The following AOPEP variants were observed in gnomAD, a reference collection of about 807,000 sequenced individuals.
AOPEP encodes the protein aminopeptidase O (putative), also known as aminopeptidase O.
Under a neutral mutation model 98.1 loss-of-function variants are expected in AOPEP, and 77 were observed. The observed-to-expected ratio is 0.78, with a 90% CI of 0.65 to 0.95. AOPEP has a LOEUF of 0.95. Ranked by LOEUF, AOPEP falls within the 40% of genes least tolerant of loss-of-function variation. The probability of loss-of-function intolerance (pLI) is 0.00; values close to 1 mark genes in which losing one functional copy is unlikely to be tolerated. For synonymous variants in AOPEP, 346 were observed against 365.3 expected (o/e 0.95, Z 0.60); for missense variants, 1,024 against 1,024.7 (o/e 1.00, Z 0.01).
chr9:94,985,548 C>T (rs2132236472), intron 11 of AOPEP, among the ~76,000 whole-genome samples: 1 of 152,258 alleles, frequency 6.6e-6, no homozygotes, highest in East Asian at 1.9e-4. Flanking sequence ...TATTAAGATA[C>T]TCAATCTCAG....
At chr9:94,966,904 GA>G (rs1387673063) in intron 9 of AOPEP, among the ~76,000 whole-genome samples, 4 of 152,066 alleles carry the variant, frequency 2.6e-5, no homozygotes, top group Non-Finnish European at 5.9e-5. Flanking sequence ...ATTCATATTC[GA>G]ATTTTTTAGG....
Position 94,955,908 on chromosome 9 carries a change from G to T in AOPEP, c.1765G>T (p.Gly589Cys). 2 of 1,606,592 alleles carry T rather than the reference G, an allele frequency of 1.2e-6. No homozygotes were observed. Among genetic ancestry groups the T allele is most frequent in the Non-Finnish European group, 8.5e-7 (1 of 1,175,848 alleles). ...KIFMQVHYLK[G>C]YFLLRFLAKR... ...TCTCTCTCTTTTTTCTTTCTTCTAG[G>T]GCTACTTCCTTCTTCGGTTTCTTGC... Residue 589 changes from glycine (G) to cysteine (C), a missense_variant and splice_region_variant, in exon 9 of 17, where the codon GGC becomes TGC. Coordinates refer to ENST00000375315, the MANE Select transcript of AOPEP (RefSeq NM_001193329.3).
chr9:95,109,539 T>C, the AOPEP span: 1 of 152,192 alleles, frequency 6.6e-6, no homozygotes, highest in Non-Finnish European at 1.5e-5. Flanking sequence ...TGTGATCTGA[T>C]TCAGTTGTTG....
chr9:94,890,537 C>T (rs1042546342), intron 5 of AOPEP, among the ~76,000 whole-genome samples: 13 of 152,094 alleles, frequency 8.5e-5, no homozygotes. Context: ...TTTACTATTT[C>T]CTTCCTTCTG....
the AOPEP span, among the ~76,000 whole-genome samples, chr9:95,136,677 T>C: frequency 6.6e-6 from 1 of 151,888 alleles, no homozygotes; most frequent in Non-Finnish European, 1.5e-5. Context: ...AAGATGGGGG[T>C]CTTGCTATTT....
intron 3 of AOPEP, among the ~76,000 whole-genome samples, chr9:94,774,962 T>C (rs1322232490): frequency 6.6e-6 from 1 of 152,192 alleles, no homozygotes; most frequent in Non-Finnish European, 1.5e-5. Flanking sequence ...GTTTATTTCC[T>C]TTGCCCATTT....
chr9:94,748,772 A>G (rs1438500925), intron 1 of AOPEP, among the ~76,000 whole-genome samples: 2 of 152,174 alleles, frequency 1.3e-5, no homozygotes, highest in Admixed American at 1.3e-4. Context: ...AATGTCCCTC[A>G]GTATGGGTTT....
intron 13 of AOPEP, among the ~76,000 whole-genome samples, chr9:95,036,702 C>CTTTTTTTTTT (rs58616523): frequency 1.8e-4 from 24 of 135,812 alleles, no homozygotes; most frequent in Non-Finnish European, 2.3e-4. Context: ...TCTTCTTCTT[C>CTTTTTTTTTT]TTTTTTTTTT....
At chr9:94,905,683 C>T (rs2051037219) in intron 5 of AOPEP, among the ~76,000 whole-genome samples, 1 of 152,152 alleles carries the variant, frequency 6.6e-6, no homozygotes, top group South Asian at 2.1e-4. Flanking sequence ...ATAAAGTATG[C>T]TCTGGGAAAC....
At chr9:94,844,278 AC>A (rs1255319882) in intron 5 of AOPEP, among the ~76,000 whole-genome samples, 3 of 152,192 alleles carry the variant, frequency 2.0e-5, no homozygotes, top group African/African-American at 7.2e-5. Context: ...CTGGTCACTA[AC>A]TAGTAGTTTT....
chr9:95,045,713 G>A (rs2065805629), intron 13 of AOPEP, among the ~76,000 whole-genome samples: 1 of 152,144 alleles, frequency 6.6e-6, no homozygotes, highest in Non-Finnish European at 1.5e-5. Flanking sequence ...TGGTCCTCGT[G>A]CTTCTAATTT....
At chr9:95,001,612 T>C (rs944877421) in intron 11 of AOPEP, among the ~76,000 whole-genome samples, 1 of 152,218 alleles carries the variant, frequency 6.6e-6, no homozygotes, top group African/African-American at 2.4e-5. Flanking sequence ...TCAGGCTGGA[T>C]TGAACACAAT....
chr9:94,966,723 T>G (rs570465012), intron 9 of AOPEP, among the ~76,000 whole-genome samples: 1 of 152,282 alleles, frequency 6.6e-6, no homozygotes, highest in African/African-American at 2.4e-5. Context: ...TCAGTAAAAT[T>G]CAAATTTCAG....
Position 95,082,398 on chromosome 9 carries a change from G to A in AOPEP, c.2320-177G>A, listed in dbSNP as rs72752313. ...GTTTTGAGTACAAGGAGGAGACAGGGATTGCAGACTGCAGCTTCCAAAAGC... is the reference window on the plus strand; with the variant it reads ...GTTTTGAGTACAAGGAGGAGACAGGAATTGCAGACTGCAGCTTCCAAAAGC... On this transcript the variant is annotated intron_variant, in intron 15 of 16. Transcript: ENST00000375315. Among the ~76,000 whole-genome samples, 582 of 152,316 alleles carry A rather than the reference G, an allele frequency of 3.8e-3. 1 individual carries two copies. Among genetic ancestry groups the A allele is most frequent in the Non-Finnish European group, 6.7e-3 (459 of 68,028 alleles).
chr9:94,897,517 G>A (rs1460827852), intron 5 of AOPEP, among the ~76,000 whole-genome samples: 1 of 152,054 alleles, frequency 6.6e-6, no homozygotes, highest in Non-Finnish European at 1.5e-5. Context: ...ACTTTTTAGA[G>A]TCAGAAAGTA....
At chr9:94,965,953 C>G (rs1388952442) in intron 9 of AOPEP, among the ~76,000 whole-genome samples, 2 of 150,382 alleles carry the variant, frequency 1.3e-5, no homozygotes, top group Admixed American at 6.6e-5. Context: ...TGTGTAGAGT[C>G]TGTATTTGCA....
intron 5 of AOPEP, among the ~76,000 whole-genome samples, chr9:94,810,492 T>C (rs1342311978): frequency 6.6e-6 from 1 of 151,922 alleles, no homozygotes; most frequent in African/African-American, 2.4e-5. Flanking sequence ...TTTTTGTATT[T>C]TTAATAGAGA....
At chr9:94,882,755 G>A (rs1465514419) in intron 5 of AOPEP, among the ~76,000 whole-genome samples, 4 of 152,210 alleles carry the variant, frequency 2.6e-5, no homozygotes, top group Admixed American at 6.5e-5. Flanking sequence ...CAGCCTGGGC[G>A]TCGCGAGACT....
intron 13 of AOPEP, among the ~76,000 whole-genome samples, chr9:95,055,441 G>A (rs1461713515): frequency 2.0e-5 from 3 of 152,214 alleles, no homozygotes; most frequent in Non-Finnish European, 2.9e-5. Flanking sequence ...AAAGCACCAT[G>A]TGAAAATTTA....
Sources: allele counts gnomAD v4.1 joint callset (sites outside exome capture counted in the v4.1 genomes callset), GRCh38; gene constraint gnomAD v4.1.1; transcripts MANE v1.5; gene names NCBI Gene and HGNC (gene_info 2026-07-23, HGNC 2026-07-21).